The following POU4F1 variants were observed in gnomAD, a reference collection of about 807,000 sequenced individuals.
POU4F1 encodes POU class 4 homeobox 1, also known as POU domain, class 4, transcription factor 1.
Under a neutral mutation model 19.8 loss-of-function variants are expected in POU4F1, and 5 were observed. That is an observed-to-expected ratio of 0.25 (90% confidence interval 0.13 to 0.53). POU4F1 has a LOEUF of 0.53. POU4F1 is among the 20% of genes least tolerant of loss of function. The pLI is 0.96. For synonymous variants in POU4F1, 266 were observed against 247.7 expected (o/e 1.07, Z -0.69); for missense variants, 408 against 511.6 (o/e 0.80, Z 1.95).
At position 78,601,614 on chromosome 13, in the gene POU4F1, T is replaced by C; in HGVS notation, c.1061A>G (p.Glu354Gly). ...GATGGAAGTCCGCTTGCGCTTCTTC[T>C]CGCCGCCGTTGAAGAGCTCAGGCTT... ...MNKPELFNGG[E>G]KKRKRTSIAA... Residue 354 changes from glutamate to glycine, a missense_variant, in exon 2 of 2, where the codon GAG becomes GGG. Physicochemically the swap from Glu to Gly is moderately conservative, Grantham distance 98. Transcript: ENST00000377208. The C allele has an allele frequency of 1.2e-6, 2 of 1,613,808 alleles. No individual in the cohort carries two copies. Among genetic ancestry groups the C allele is most frequent in the Non-Finnish European group, 8.5e-7 (1 of 1,179,990 alleles).
In POU4F1 at chr13:78,600,474, C is replaced by T. The variant is rs1396561072; in HGVS notation, c.*941G>A. On this transcript the variant is annotated 3_prime_UTR_variant, in exon 2 of 2. Transcript: ENST00000377208. ...GATATCTCGAAGCTCCGGAATTCTG[C>T]TTTTTAGTAGCTCAAAGACTATGCC... 1 of 152,136 alleles carries T rather than the reference C, an allele frequency of 6.6e-6. No individual in the cohort carries two copies. Among genetic ancestry groups the T allele is most frequent in the Non-Finnish European group, 1.5e-5 (1 of 68,034 alleles). 9.4% of individuals were successfully genotyped at this position (152,136 alleles called of 1,614,324 possible).
In POU4F1 at chr13:78,603,425, G is replaced by C; in HGVS notation, c.-99C>G. ...CCTCCCTTCGGAGGCTGCAGCCGCG[G>C]CGGTCGCGGCGGCTGGCGGCGGCCC... On this transcript the variant is annotated 5_prime_UTR_variant, in exon 1 of 2. Coordinates refer to ENST00000377208, the MANE Select transcript of POU4F1 (RefSeq NM_006237.4). 7.1e-7 allele frequency: 1 copy of C among 1,404,362 alleles called. No homozygotes were observed. The highest frequency in any genetic ancestry group is 1.7e-5 in the South Asian group (1 of 59,780). 87.0% of individuals were successfully genotyped at this position (1,404,362 alleles called of 1,614,324 possible).
Position 78,602,517 on chromosome 13 carries a change from G to A in POU4F1, c.158C>T (p.Thr53Met). ...CAGCGCCTCGGCCCGCGCCAGCAGC[G>A]TCTCGTCCAGGCTGGCGAAGAGGTT... ...QSNLFASLDE[T>M]LLARAEALAA... Residue 53 changes from threonine (T) to methionine (M), a missense_variant, in exon 2 of 2, where the codon ACG becomes ATG. Physicochemically the swap from Thr to Met is moderately conservative, Grantham distance 81. Transcript: ENST00000377208. 6.3e-7 allele frequency: 1 copy of A among 1,582,352 alleles called. No homozygotes were observed. Among genetic ancestry groups the A allele is most frequent in the African/African-American group, 1.4e-5 (1 of 74,070 alleles).
Position 78,603,323 on chromosome 13 carries a change from T to G in POU4F1, c.4A>C (p.Met2Leu). 6.3e-7 allele frequency: 1 copy of G among 1,577,536 alleles called. No homozygotes were observed. Among genetic ancestry groups the G allele is most frequent in the Non-Finnish European group, 8.6e-7 (1 of 1,162,782 alleles). The change falls in exon 1 of 2, where the codon ATG becomes CTG. Residue 2 changes from methionine to leucine, a missense_variant. Transcript: ENST00000377208. M[M>L]SMNSKQPHFA... ...TGAGGCTGCTTGCTGTTCATGGACA[T>G]CATCGTGGCGGCTTGGCATGTATAT... is the stretch of plus-strand genomic sequence containing the variant.
In POU4F1 at chr13:78,601,517, G is replaced by A. The variant is rs1469953304; in HGVS notation, c.1158C>T (p.Ala386=). The change falls in exon 2 of 2, where the codon GCC becomes GCT. Residue 386 remains alanine, a synonymous_variant. Coordinates refer to ENST00000377208, the MANE Select transcript of POU4F1 (RefSeq NM_006237.4). ...VQPRPSSEKI[A]AIAEKLDLKK... is the part of the protein sequence containing the mutation. ...TGAGGTCCAGTTTCTCGGCGATGGCGGCGATCTTCTCGGACGAGGGCCGGG... is the reference window on the plus strand; with the variant it reads ...TGAGGTCCAGTTTCTCGGCGATGGCAGCGATCTTCTCGGACGAGGGCCGGG... 4 of 1,613,826 alleles carry A rather than the reference G, an allele frequency of 2.5e-6. No individual in the cohort carries two copies. The highest frequency in any genetic ancestry group is 1.3e-5 in the African/African-American group (1 of 74,942).
At chr13:78,602,733 C>T (rs1874766249) in intron 1 of POU4F1, among the ~76,000 whole-genome samples, 182 bp from the exon 2 acceptor site, 1 of 127,630 alleles carries the variant, frequency 7.8e-6, no homozygotes, top group East Asian at 2.2e-4. Context: ...GGCACATTGA[C>T]GACCAGGGAG....
Position 78,601,004 on chromosome 13 carries a change from A to G in POU4F1, c.*411T>C, listed in dbSNP as rs1180615862. ...GGTTGGTAGGTTTGTTTTTGTACAT[A>G]GTTCCTTGGTCCCCAGGATATTTAG... On this transcript the variant is annotated 3_prime_UTR_variant, in exon 2 of 2. Transcript: ENST00000377208. The G allele has an allele frequency of 1.1e-5, 2 of 187,822 alleles. No homozygotes were observed. The highest frequency in any genetic ancestry group is 4.7e-5 in the African/African-American group (2 of 42,328). 11.6% of individuals were successfully genotyped at this position (187,822 alleles called of 1,614,324 possible). A position where few individuals can be genotyped will look rare whatever the true frequency, so the allele number is the denominator to read the frequency against.
Position 78,600,786 on chromosome 13 carries a change from G to C in POU4F1, c.*629C>G, listed in dbSNP as rs1263887774. 1 of 152,714 alleles carries C rather than the reference G, an allele frequency of 6.5e-6. No homozygotes were observed. Among genetic ancestry groups the C allele is most frequent in the Non-Finnish European group, 1.5e-5 (1 of 68,436 alleles). 9.5% of individuals were successfully genotyped at this position (152,714 alleles called of 1,614,324 possible). On this transcript the variant is annotated 3_prime_UTR_variant, in exon 2 of 2. Transcript: ENST00000377208. Reference sequence around the variant, plus strand: ...CAGAACTTCAACTTCTCGCTCGTTTGGTTTTCGTTTTTCGACTCAGTTCGT... The same window carrying C: ...CAGAACTTCAACTTCTCGCTCGTTTCGTTTTCGTTTTTCGACTCAGTTCGT...
chr13:78,602,499 T>C lies in POU4F1; in HGVS notation c.176A>G (p.Glu59Gly). 6.3e-7 allele frequency: 1 copy of C among 1,593,228 alleles called. No homozygotes were observed. Among genetic ancestry groups the C allele is most frequent in the Non-Finnish European group, 8.5e-7 (1 of 1,172,558 alleles). ...GGCGATGTCCACGGCCGCCAGCGCC[T>C]CGGCCCGCGCCAGCAGCGTCTCGTC... ...SLDETLLARA[E>G]ALAAVDIAVS... Residue 59 changes from glutamate to glycine, a missense_variant, in exon 2 of 2, where the codon GAG (glutamate) becomes GGG (glycine). This residue lies in a region of POU4F1 where 294 missense variants were observed against 288.2 expected (regional missense o/e 1.02). Transcript: ENST00000377208.
chr13:78,600,535 GC>G lies in POU4F1; in HGVS notation c.*879del, dbSNP rs1874650242. The G allele has an allele frequency of 6.6e-6, 1 of 152,212 alleles. No individual in the cohort carries two copies. Among genetic ancestry groups the G allele is most frequent in the South Asian group, 2.1e-4 (1 of 4,826 alleles). The allele number at this position is 152,212 out of a possible 1,614,324, so 9.4% of individuals were successfully genotyped here. On this transcript the variant is annotated 3_prime_UTR_variant, in exon 2 of 2. Coordinates refer to ENST00000377208, the MANE Select transcript of POU4F1 (RefSeq NM_006237.4). Reference sequence around the variant, plus strand: ...AAGACCCCCACCCCAACAGGACCAGGCCACCAGAGTATAGGCAGGGCCACGG... The same window carrying G: ...AAGACCCCCACCCCAACAGGACCAGGCACCAGAGTATAGGCAGGGCCACGG...
rs758452608 is a variant in POU4F1 at position 78,602,498 on chromosome 13, C to T, written c.177G>A (p.Glu59=). 6.3e-6 allele frequency: 10 copies of T among 1,594,530 alleles called. No homozygotes were observed. The African/African-American group carries it at 1.2e-4, about 19-fold the overall frequency. The change falls in exon 2 of 2, where the codon GAG becomes GAA. Residue 59 remains glutamate (E), a synonymous_variant. Transcript: ENST00000377208. Reference sequence around the variant, plus strand: ...CGGCGATGTCCACGGCCGCCAGCGCCTCGGCCCGCGCCAGCAGCGTCTCGT... The same window carrying T: ...CGGCGATGTCCACGGCCGCCAGCGCTTCGGCCCGCGCCAGCAGCGTCTCGT... ...SLDETLLARA[E]ALAAVDIAVS... is the part of the protein sequence containing the mutation.
Position 78,602,256 on chromosome 13 carries a change from CCGCCGGCCGCCGCGCCCGCGCCGCCCG to C in POU4F1, c.392_418del (p.Ala131_Gly139del), listed in dbSNP as rs1357170792. On this transcript the variant is annotated inframe_deletion, in exon 2 of 2. Coordinates refer to ENST00000377208, the MANE Select transcript of POU4F1 (RefSeq NM_006237.4). ...CCCCGGGCCGTCGTGGGCGCCGCCG[CCGCCGGCCGCCGCGCCCGCGCCGCCCG>C]CGCCGGCCATGAGCGCGAGCGACGG... is the stretch of plus-strand genomic sequence containing the variant. 21 of 1,010,544 alleles carry C rather than the reference CCGCCGGCCGCCGCGCCCGCGCCGCCCG, an allele frequency of 2.1e-5. No homozygotes were observed. The Admixed American group carries it at 4.2e-4, about 20-fold the overall frequency. 62.6% of individuals were successfully genotyped at this position (1,010,544 alleles called of 1,614,324 possible).
chr13:78,603,114 G>T, intron 1 of POU4F1, 90 bp downstream of exon 1: 1 of 1,078,416 alleles, frequency 9.3e-7, no homozygotes, highest in Non-Finnish European at 1.2e-6. Flanking sequence ...CCCGCACCGG[G>T]ACCTGCACAC....
At position 78,603,361 on chromosome 13, in the gene POU4F1, C is replaced by A; in HGVS notation, c.-35G>T. Reference sequence around the variant, plus strand: ...TTGGCATGTATATCCACAAACACTCCGAAAGTCCGCGGGAAAGTGCGTACG... The same window carrying A: ...TTGGCATGTATATCCACAAACACTCAGAAAGTCCGCGGGAAAGTGCGTACG... On this transcript the variant is annotated 5_prime_UTR_variant, in exon 1 of 2. Coordinates refer to ENST00000377208, the MANE Select transcript of POU4F1 (RefSeq NM_006237.4). 6.5e-7 allele frequency: 1 copy of A among 1,550,306 alleles called. No individual in the cohort carries two copies. The highest frequency in any genetic ancestry group is 1.4e-5 in the African/African-American group (1 of 70,074).
rs1388460264 is a variant in POU4F1, at chr13:78,603,239, C to T, written c.88G>A (p.Glu30Lys). The change falls in exon 1 of 2, where the codon GAG (glutamate) becomes AAG (lysine). Residue 30 changes from glutamate to lysine, a missense_variant. By Grantham distance (56) the Glu-to-Lys change is moderately conservative. Transcript: ENST00000377208. ...GGCAGGCAGGCCCGCCGGATGGCCT[C>T]GGAGCTGGAGTGCAGCGACGGGTAC... ...HKYPSLHSSS[E>K]AIRRACLPTP... is the part of the protein sequence containing the mutation. The T allele has an allele frequency of 5.8e-6, 9 of 1,558,568 alleles. No individual in the cohort carries two copies. The highest frequency in any genetic ancestry group is 7.8e-6 in the Non-Finnish European group (9 of 1,154,200).
At chr13:78,603,040 T>G (rs975363860) in intron 1 of POU4F1, among the ~76,000 whole-genome samples, 164 bp downstream of exon 1, 1 of 151,980 alleles carries the variant, frequency 6.6e-6, no homozygotes, top group Non-Finnish European at 1.5e-5. Context: ...GAACACGACA[T>G]TAAGGGCCGC....
In POU4F1 at chr13:78,598,856, T is replaced by C. The variant is rs1040503005; in HGVS notation, c.*2559A>G. The stretch of plus-strand genomic sequence containing the variant: ...AAATGTTTTTTGGGTGCCTGGTTAT[T>C]TATTGGTTTTCACCACTCTGGATCA... On this transcript the variant is annotated 3_prime_UTR_variant, in exon 2 of 2. Transcript: ENST00000377208. The C allele has an allele frequency of 6.6e-6, 1 of 152,236 alleles. No individual in the cohort carries two copies. Among genetic ancestry groups the C allele is most frequent in the Non-Finnish European group, 1.5e-5 (1 of 68,038 alleles). The allele number at this position is 152,236 out of a possible 1,614,324, so 9.4% of individuals were successfully genotyped here.
chr13:78,601,318 G>A lies in POU4F1; in HGVS notation c.*97C>T. On this transcript the variant is annotated 3_prime_UTR_variant, in exon 2 of 2. Coordinates refer to ENST00000377208, the MANE Select transcript of POU4F1 (RefSeq NM_006237.4). ...ACTCCCCAAATGCAGGCAGGATAAC[G>A]GACACTCCAAATCCGAGGGGAGGCA... 3 of 1,546,462 alleles carry A rather than the reference G, an allele frequency of 1.9e-6. No homozygotes were observed. Among genetic ancestry groups the A allele is most frequent in the South Asian group, 1.2e-5 (1 of 81,812 alleles).
chr13:78,598,938 G>A lies in POU4F1; in HGVS notation c.*2477C>T, dbSNP rs555917851. 2.0e-4 allele frequency: 31 copies of A among 152,208 alleles called. No individual in the cohort carries two copies. Among genetic ancestry groups the A allele is most frequent in the African/African-American group, 7.2e-4 (30 of 41,520 alleles). The allele number at this position is 152,208 out of a possible 1,614,324, so 9.4% of individuals were successfully genotyped here. A position where few individuals can be genotyped will look rare whatever the true frequency, so the allele number is the denominator to read the frequency against. ...AAAATAATAACTTTTATAAACACAG[G>A]CAACTAATATAGAATTCATTTTATT... On this transcript the variant is annotated 3_prime_UTR_variant, in exon 2 of 2. Coordinates refer to ENST00000377208, the MANE Select transcript of POU4F1 (RefSeq NM_006237.4).
Sources: allele counts gnomAD v4.1 joint callset (sites outside exome capture counted in the v4.1 genomes callset), GRCh38; gene constraint gnomAD v4.1.1; regional missense constraint gnomAD v4.1.1; transcripts MANE v1.5; gene names NCBI Gene and HGNC (gene_info 2026-07-23, HGNC 2026-07-21).